Variants in SNX29 observed in about 807,000 individuals in gnomAD.
SNX29 encodes sorting nexin 29, also known as sorting nexin-29.
SNX29 carries 78 observed loss-of-function variants against 102.1 expected under a neutral mutation model. That is an observed-to-expected ratio of 0.76 (90% CI 0.64 to 0.92). The LOEUF (loss-of-function observed/expected upper bound fraction) is 0.92. Among genes scored for constraint, SNX29 ranks in the 40% least tolerant of loss-of-function variants. The pLI is 0.00. For synonymous variants in SNX29, 580 were observed against 414.5 expected (o/e 1.40, Z -4.85); for missense variants, 1,280 against 1,061.7 (o/e 1.21, Z -2.86).
chr16:12,422,863 C>T (rs983375766), intron 18 of SNX29, among the ~76,000 whole-genome samples: 2 of 152,214 alleles, frequency 1.3e-5, no homozygotes, highest in Admixed American at 1.3e-4. Flanking sequence ...CACAGTCTCT[C>T]AGGATGAGGC....
In SNX29 at chr16:12,069,047, C is replaced by G; in HGVS notation, c.1244-10C>G. ...AGTGACCTCTTTCTGTGATTGCTCT[C>G]TCTGCACAGATGCCCCCCTCGGAAG... is the stretch of plus-strand genomic sequence containing the variant. On this transcript the variant is annotated splice_polypyrimidine_tract_variant and intron_variant, in intron 9 of 20. Coordinates refer to ENST00000566228, the MANE Select transcript of SNX29 (RefSeq NM_032167.5). 1 of 1,613,650 alleles carries G rather than the reference C, an allele frequency of 6.2e-7. No homozygotes were observed. Among genetic ancestry groups the G allele is most frequent in the Non-Finnish European group, 8.5e-7 (1 of 1,179,662 alleles).
At chr16:12,485,107 C>G (rs2088162047) in intron 19 of SNX29, among the ~76,000 whole-genome samples, 1 of 152,206 alleles carries the variant, frequency 6.6e-6, no homozygotes, top group African/African-American at 2.4e-5. Context: ...AAAGTGAGTA[C>G]ATAAACTTTC....
intron 3 of SNX29, among the ~76,000 whole-genome samples, chr16:12,003,786 C>T (rs780387828): frequency 6.6e-6 from 1 of 152,132 alleles, no homozygotes; most frequent in Non-Finnish European, 1.5e-5. Context: ...GCAGGTGGAT[C>T]ACTTGAGGTC....
At chr16:12,407,328 G>T (rs1187947561) in intron 18 of SNX29, among the ~76,000 whole-genome samples, 8 of 145,698 alleles carry the variant, frequency 5.5e-5, no homozygotes, top group East Asian at 4.0e-4. Context: ...TAATTAGATT[G>T]TTTTTTTTTT....
At chr16:12,349,953 A>G (rs2081948949) in intron 15 of SNX29, among the ~76,000 whole-genome samples, 1 of 152,242 alleles carries the variant, frequency 6.6e-6, no homozygotes, top group African/African-American at 2.4e-5. Context: ...CAGTCTAGAA[A>G]AACCCTGAAG....
intron 1 of SNX29, among the ~76,000 whole-genome samples, chr16:11,978,023 C>G (rs1281021866): frequency 6.6e-6 from 1 of 152,212 alleles, no homozygotes; most frequent in Admixed American, 6.5e-5. Context: ...CCAAGGGATA[C>G]TGCTGTCTTC....
intron 15 of SNX29, among the ~76,000 whole-genome samples, chr16:12,312,220 A>G (rs1357705221): frequency 1.3e-5 from 2 of 152,170 alleles, no homozygotes; most frequent in East Asian, 1.9e-4. Context: ...TCTGTATTTG[A>G]TGAATGAATG....
At chr16:12,531,977 A>C (rs1382998434) in intron 20 of SNX29, among the ~76,000 whole-genome samples, 1 of 152,194 alleles carries the variant, frequency 6.6e-6, no homozygotes, top group East Asian at 1.9e-4. Flanking sequence ...AGATGTAGCA[A>C]TCACAGTTTG....
intron 3 of SNX29, among the ~76,000 whole-genome samples, chr16:12,024,393 G>A (rs924841492): frequency 1.3e-5 from 2 of 152,030 alleles, no homozygotes; most frequent in African/African-American, 4.8e-5. Flanking sequence ...TGATCCACCC[G>A]CCTTGGCCTG....
At chr16:12,292,691 G>A (rs989687639) in intron 15 of SNX29, among the ~76,000 whole-genome samples, 3 of 152,174 alleles carry the variant, frequency 2.0e-5, no homozygotes, top group African/African-American at 4.8e-5. Context: ...CAGGTGCCCC[G>A]CCATTTTAGA....
intron 13 of SNX29, among the ~76,000 whole-genome samples, chr16:12,196,622 C>CTT (rs34779383): frequency 0.039 from 5,114 of 129,540 alleles, 234 homozygotes; most frequent in East Asian, 0.17. Flanking sequence ...TTTCTTTTTT[C>CTT]TTTTTTTTTT....
rs939551694 is a variant in SNX29 at position 12,096,173 on chromosome 16, C to T, written c.1402+17258C>T. 2.0e-5 allele frequency among the ~76,000 whole-genome samples: 3 copies of T among 152,218 alleles called. No homozygotes were observed. Among genetic ancestry groups the T allele is most frequent in the Non-Finnish European group, 2.9e-5 (2 of 68,036 alleles). On this transcript the variant is annotated intron_variant, in intron 11 of 20. Transcript: ENST00000566228. The surrounding 1 kb of genome is among the most constrained non-coding windows in gnomAD (Gnocchi z 4.2). ...CCTAGGTGACGTGGCCAACACAGAT[C>T]CCTCACGCTGGGCATCTTTCTTTAA...
At chr16:12,280,012 C>T (rs2079381769) in intron 15 of SNX29, among the ~76,000 whole-genome samples, 1 of 152,138 alleles carries the variant, frequency 6.6e-6, no homozygotes. Flanking sequence ...GATTCTCCAC[C>T]TGTGGGGCTG....
At chr16:12,536,692 A>T (rs887061078) in intron 20 of SNX29, among the ~76,000 whole-genome samples, 1 of 152,172 alleles carries the variant, frequency 6.6e-6, no homozygotes, top group Non-Finnish European at 1.5e-5. Context: ...AGAGGTGTTC[A>T]GGGGGCTGGA....
intron 18 of SNX29, among the ~76,000 whole-genome samples, chr16:12,465,274 A>G (rs2086999079): frequency 7.2e-6 from 1 of 138,834 alleles, no homozygotes; most frequent in African/African-American, 3.1e-5. Context: ...TTGGTAACAT[A>G]TTCAAAAAAA....
In SNX29 at chr16:12,574,283, C is replaced by T. The variant is rs2079246865; in HGVS notation, c.*5654C>T. The T allele has an allele frequency of 1.2e-5, 2 of 172,296 alleles. No individual in the cohort carries two copies. Among genetic ancestry groups the T allele is most frequent in the African/African-American group, 4.8e-5 (2 of 42,068 alleles). 10.7% of individuals were successfully genotyped at this position (172,296 alleles called of 1,614,324 possible). A position where few individuals can be genotyped will look rare whatever the true frequency, so the allele number is the denominator to read the frequency against. ...GTGACATTTTATAAATTAGATACTT[C>T]AGTGGATGGTCTCTGTCTCAGTTCT... is the stretch of plus-strand genomic sequence containing the variant. On this transcript the variant is annotated 3_prime_UTR_variant, in exon 21 of 21. Coordinates refer to ENST00000566228, the MANE Select transcript of SNX29 (RefSeq NM_032167.5).
At chr16:12,355,124 T>C (rs2082094545) in intron 15 of SNX29, among the ~76,000 whole-genome samples, 1 of 152,176 alleles carries the variant, frequency 6.6e-6, no homozygotes, top group Non-Finnish European at 1.5e-5. Context: ...CTCTCACTGA[T>C]GAAGGGGAGC....
At chr16:12,563,100 A>C (rs2078822839) in intron 20 of SNX29, among the ~76,000 whole-genome samples, 2 of 142,202 alleles carry the variant, frequency 1.4e-5, no homozygotes, top group South Asian at 4.8e-4. Flanking sequence ...TAGAAGACGC[A>C]CGCTAACAAC....
At chr16:12,067,162 G>A (rs950870480) in intron 9 of SNX29, among the ~76,000 whole-genome samples, 1 of 152,068 alleles carries the variant, frequency 6.6e-6, no homozygotes, top group Admixed American at 6.6e-5. Context: ...TCCAGCCTGG[G>A]TGACAGGAAA....
Sources: allele counts gnomAD v4.1 joint callset (sites outside exome capture counted in the v4.1 genomes callset), GRCh38; gene constraint gnomAD v4.1.1; non-coding constraint Gnocchi (gnomAD v3.1); transcripts MANE v1.5; gene names NCBI Gene and HGNC (gene_info 2026-07-23, HGNC 2026-07-21).